POLR3B: variants seen among roughly 807,000 people sequenced by gnomAD.
POLR3B encodes the protein RNA polymerase III subunit B, also known as DNA-directed RNA polymerase III subunit RPC2.
POLR3B carries 96 observed loss-of-function variants against 147.4 expected under a neutral mutation model. That is an observed-to-expected ratio of 0.65 (90% CI 0.55 to 0.77). POLR3B has a LOEUF of 0.77. Among genes scored for constraint, POLR3B ranks in the 30% least tolerant of loss-of-function variants. The pLI is 0.00. For synonymous variants in POLR3B, 461 were observed against 485.9 expected, an observed-to-expected ratio of 0.95 and a Z score of 0.67; for missense variants, 1,036 against 1,413.5, an observed-to-expected ratio of 0.73 and a Z score of 4.28.
At chr12:106,471,474 A>G (rs1006525954) in intron 23 of POLR3B, among the ~76,000 whole-genome samples, 2 of 151,962 alleles carry the variant, frequency 1.3e-5, no homozygotes, top group African/African-American at 2.4e-5. Context: ...AGGTGCACCC[A>G]CTGTCCAGCC....
At chr12:106,435,367 A>ACTC (rs1164305247) in intron 16 of POLR3B, among the ~76,000 whole-genome samples, 2 of 151,226 alleles carry the variant, frequency 1.3e-5, no homozygotes, top group African/African-American at 4.9e-5. Flanking sequence ...CTGGTCTCGA[A>ACTC]CTCCTGGCCT....
chr12:106,495,639 G>A (rs554651578), intron 23 of POLR3B, among the ~76,000 whole-genome samples: 161 of 152,318 alleles, frequency 1.1e-3, no homozygotes, highest in African/African-American at 3.6e-3. Context: ...GGGGGTCAGA[G>A]AACTTGGATT....
At chr12:106,397,498 AT>A (rs1372226086) in intron 10 of POLR3B, among the ~76,000 whole-genome samples, 2 of 152,274 alleles carry the variant, frequency 1.3e-5, no homozygotes, top group East Asian at 3.9e-4. Flanking sequence ...AACTTTATAT[AT>A]GGAATTAGGC....
chr12:106,414,400 A>G (rs1365563815), intron 12 of POLR3B, among the ~76,000 whole-genome samples: 1 of 151,930 alleles, frequency 6.6e-6, no homozygotes, highest in Non-Finnish European at 1.5e-5. Context: ...CCTGGGTGTT[A>G]TTCTAGGGAT....
chr12:106,427,346 T>A lies in POLR3B; in HGVS notation c.1251T>A (p.Asn417Lys), dbSNP rs1355582532. The change falls in exon 13 of 28, where the codon AAT (asparagine) becomes AAA (lysine). Residue 417 changes from asparagine to lysine, a missense_variant. Asn to Lys is a moderately conservative substitution (Grantham distance 94). This residue lies in a region of POLR3B where 89 missense variants were observed against 110.9 expected (regional missense o/e 0.80). Transcript: ENST00000228347. Reference sequence around the variant, plus strand: ...ACCAGATCACCAATGGCATGGTGAATGCTATTTCTACCGTAAGTCTTCAGT... The same window carrying A: ...ACCAGATCACCAATGGCATGGTGAAAGCTATTTCTACCGTAAGTCTTCAGT... Reference protein sequence around the residue: ...RQDQITNGMVNAISTGNWSLK... With the variant: ...RQDQITNGMVKAISTGNWSLK... 1.2e-6 allele frequency: 2 copies of A among 1,613,160 alleles called. No individual in the cohort carries two copies. Among genetic ancestry groups the A allele is most frequent in the Non-Finnish European group, 1.7e-6 (2 of 1,179,156 alleles).
chr12:106,501,482 C>A, intron 26 of POLR3B, 46 bp downstream of exon 26: 2 of 1,117,156 alleles, frequency 1.8e-6, no homozygotes, highest in Non-Finnish European at 2.7e-6. Context: ...GCAGTCAAGT[C>A]CACCTTGTAT....
rs138540157 is a variant in POLR3B at position 106,447,687 on chromosome 12, G to A, written c.2083+3097G>A. On this transcript the variant is annotated intron_variant, in intron 19 of 27. Transcript: ENST00000228347. ...TATCCTGCCCATTTATTAGTTGGCA[G>A]TCCTCTAGTGGAACACTTTCTCCTG... 2.8e-3 allele frequency among the ~76,000 whole-genome samples: 429 copies of A among 152,322 alleles called. 4 individuals are homozygous for A. The highest frequency in any genetic ancestry group is 9.7e-3 in the African/African-American group (404 of 41,574).
intron 11 of POLR3B, among the ~76,000 whole-genome samples, chr12:106,408,210 G>A (rs1028956651): frequency 6.6e-6 from 1 of 152,170 alleles, no homozygotes; most frequent in African/African-American, 2.4e-5. Flanking sequence ...GCTGATATTC[G>A]TGATGGTGGA....
chr12:106,376,917 T>G (rs2036688838), intron 7 of POLR3B, among the ~76,000 whole-genome samples: 1 of 152,210 alleles, frequency 6.6e-6, no homozygotes, highest in Non-Finnish European at 1.5e-5. Context: ...TAGTCTATAT[T>G]TCTCAAAGAC....
At chr12:106,501,273 G>A (rs763427265) in intron 25 of POLR3B, 50 bp from the exon 26 acceptor site, 2 of 1,177,344 alleles carry the variant, frequency 1.7e-6, no homozygotes, top group Non-Finnish European at 2.6e-6. Flanking sequence ...GCTGTCTCTT[G>A]TTAGCCCAAA....
intron 6 of POLR3B, among the ~76,000 whole-genome samples, chr12:106,374,271 C>G (rs1350036109): frequency 6.6e-6 from 1 of 152,124 alleles, no homozygotes; most frequent in Non-Finnish European, 1.5e-5. Context: ...GGCCAGAGTG[C>G]AATGGTACAC....
At chr12:106,479,631 C>T (rs2038235732) in intron 23 of POLR3B, among the ~76,000 whole-genome samples, 1 of 152,146 alleles carries the variant, frequency 6.6e-6, no homozygotes, top group Non-Finnish European at 1.5e-5. Context: ...GATCCACCTG[C>T]CTCGGCCTCC....
At chr12:106,414,848 A>G (rs1220567068) in intron 12 of POLR3B, among the ~76,000 whole-genome samples, 1 of 152,198 alleles carries the variant, frequency 6.6e-6, no homozygotes. Flanking sequence ...TGTTCATCAC[A>G]TATTTGTTGT....
In POLR3B at chr12:106,437,070, G is replaced by C; in HGVS notation, c.1795G>C (p.Val599Leu). Residue 599 changes from valine (V) to leucine (L), a missense_variant, in exon 17 of 28, where the codon GTC becomes CTC. Val to Leu is a conservative substitution (Grantham distance 32). Coordinates refer to ENST00000228347, the MANE Select transcript of POLR3B (RefSeq NM_018082.6). The part of the protein sequence containing the change: ...GGRLCRPYII[V>L]KKQKPAVTNK... ...TTTCCATTCTAGACCCTACATAATT[G>C]TCAAGAAACAGAAGCCAGCAGTCAC... is the stretch of plus-strand genomic sequence containing the variant. 1 of 1,613,250 alleles carries C rather than the reference G, an allele frequency of 6.2e-7. No individual in the cohort carries two copies. Among genetic ancestry groups the C allele is most frequent in the Non-Finnish European group, 8.5e-7 (1 of 1,179,624 alleles).
chr12:106,360,381 A>C (rs1178467676), intron 1 of POLR3B, among the ~76,000 whole-genome samples: 1 of 152,038 alleles, frequency 6.6e-6, no homozygotes, highest in Non-Finnish European at 1.5e-5. Flanking sequence ...CCCTCCCCTG[A>C]GATCTTTCTA....
chr12:106,430,722 T>C (rs1000892934), intron 14 of POLR3B, among the ~76,000 whole-genome samples: 10 of 152,202 alleles, frequency 6.6e-5, no homozygotes, highest in Non-Finnish European at 1.0e-4. Flanking sequence ...TTCTCTTTAT[T>C]ATTTTAGTTT....
At chr12:106,406,735 A>G (rs1396239102) in intron 11 of POLR3B, among the ~76,000 whole-genome samples, 11 of 152,258 alleles carry the variant, frequency 7.2e-5, no homozygotes, top group Non-Finnish European at 1.3e-4. Context: ...ATTATTAAAC[A>G]GAGATCAACC....
chr12:106,483,313 A>C (rs2137060404), intron 23 of POLR3B, among the ~76,000 whole-genome samples: 1 of 152,276 alleles, frequency 6.6e-6, no homozygotes, highest in Non-Finnish European at 1.5e-5. Context: ...CCCAGGCACA[A>C]ATGAGAACCT....
intron 19 of POLR3B, among the ~76,000 whole-genome samples, chr12:106,451,642 A>C (rs879129703): frequency 1.0e-4 from 4 of 38,574 alleles, no homozygotes; most frequent in African/African-American, 1.2e-4. Context: ...GCGGGGGGGG[A>C]GGAGAGGGGA....
Sources: allele counts gnomAD v4.1 joint callset (sites outside exome capture counted in the v4.1 genomes callset), GRCh38; gene constraint gnomAD v4.1.1; regional missense constraint gnomAD v4.1.1; transcripts MANE v1.5; gene names NCBI Gene and HGNC (gene_info 2026-07-23, HGNC 2026-07-21).